The following PXDC1 variants were observed in gnomAD, a reference collection of about 807,000 sequenced individuals.
PXDC1 encodes the protein PX domain containing 1.
In PXDC1, 13 loss-of-function variants were observed where a neutral mutation model predicts 24.4. The ratio of observed to expected loss-of-function variants is 0.53; its 90% CI spans 0.35 to 0.85. The LOEUF is 0.85. Ranked by LOEUF, PXDC1 falls within the 40% of genes least tolerant of loss-of-function variation. The pLI is 0.01. For synonymous variants in PXDC1, 162 were observed against 124.9 expected (o/e 1.30, Z -1.98); for missense variants, 344 against 309.3 (o/e 1.11, Z -0.84).
rs916821697 is a variant in PXDC1 at position 3,751,257 on chromosome 6, C to T, written c.256+19G>A. 3 of 1,454,742 alleles carry T rather than the reference C, an allele frequency of 2.1e-6. No homozygotes were observed. The highest frequency in any genetic ancestry group is 2.7e-6 in the Non-Finnish European group (3 of 1,109,570). The allele number at this position is 1,454,742 out of a possible 1,614,324, so 90.1% of individuals were successfully genotyped here. On this transcript the variant is annotated intron_variant, in intron 1 of 4. Coordinates refer to ENST00000380283, the MANE Select transcript of PXDC1 (RefSeq NM_183373.4). ...GGCTGCCTCGGCCCCGCGCCCCTCC[C>T]GCGTCCCCGGCCCCGCACCTTGCCG...
intron 3 of PXDC1, among the ~76,000 whole-genome samples, chr6:3,734,447 C>A (rs1581245037): frequency 6.6e-6 from 1 of 152,206 alleles, no homozygotes; most frequent in Non-Finnish European, 1.5e-5. Flanking sequence ...GGACTCTCCC[C>A]ACTCAGACTA....
rs1404172455 is a variant in PXDC1 at position 3,725,331 on chromosome 6, G to A, written c.579-1595C>T. Among the ~76,000 whole-genome samples the A allele has an allele frequency of 1.3e-5, 2 of 152,170 alleles. No homozygotes were observed. The highest frequency in any genetic ancestry group is 1.9e-4 in the East Asian group (1 of 5,192). On this transcript the variant is annotated intron_variant, in intron 4 of 4. Transcript: ENST00000380283. This position sits in a 1 kb window ranked among gnomAD's most constrained non-coding sequence, Gnocchi z 4.8. ...GAGTCATGGGGCTAAGGCTCCCTGA[G>A]GTCCCCACAGAACCGCCCAGTGCCT...
intron 1 of PXDC1, among the ~76,000 whole-genome samples, chr6:3,750,123 G>A (rs1440603521): frequency 6.6e-6 from 1 of 152,240 alleles, no homozygotes; most frequent in East Asian, 1.9e-4. Context: ...CAAAAGATGT[G>A]TCATGAGAAC....
intron 1 of PXDC1, among the ~76,000 whole-genome samples, chr6:3,744,230 G>A (rs1760513728): frequency 1.3e-5 from 2 of 152,164 alleles, no homozygotes; most frequent in Non-Finnish European, 2.9e-5. Flanking sequence ...GGTTCCCAGG[G>A]GGAGCAGCCC....
chr6:3,722,854 T>G lies in PXDC1; in HGVS notation c.*765A>C, dbSNP rs1759969951. On this transcript the variant is annotated 3_prime_UTR_variant, in exon 5 of 5. Transcript: ENST00000380283. Reference sequence around the variant, plus strand: ...AGCTCTGTCAATGAGCACCCCAGGGTGGTGTGGCCGCAGCACCAGGACCCG... The same window carrying G: ...AGCTCTGTCAATGAGCACCCCAGGGGGGTGTGGCCGCAGCACCAGGACCCG... The G allele has an allele frequency of 6.6e-6, 1 of 152,326 alleles. No homozygotes were observed. The highest frequency in any genetic ancestry group is 1.5e-5 in the Non-Finnish European group (1 of 68,010). The allele number at this position is 152,326 out of a possible 1,614,324, so 9.4% of individuals were successfully genotyped here. A position where few individuals can be genotyped will look rare whatever the true frequency, so the allele number is the denominator to read the frequency against.
chr6:3,750,767 A>G (rs1183332365), intron 1 of PXDC1, among the ~76,000 whole-genome samples: 1 of 152,002 alleles, frequency 6.6e-6, no homozygotes, highest in Non-Finnish European at 1.5e-5. Flanking sequence ...GCTGCGTGGC[A>G]CCTCGCGCTC....
At chr6:3,729,251 A>G (rs1415329090) in intron 3 of PXDC1, among the ~76,000 whole-genome samples, 1 of 152,112 alleles carries the variant, frequency 6.6e-6, no homozygotes, top group African/African-American at 2.4e-5. Context: ...CTTTCTACAT[A>G]TTTGGTTCTC....
At position 3,738,037 on chromosome 6, in the gene PXDC1, C is replaced by G. The variant is rs79310232; in HGVS notation, c.348+20G>C. The G allele has an allele frequency of 1.3e-6, 2 of 1,538,170 alleles. No homozygotes were observed. The highest frequency in any genetic ancestry group is 1.8e-6 in the Non-Finnish European group (2 of 1,114,486). On this transcript the variant is annotated intron_variant, in intron 2 of 4. Coordinates refer to ENST00000380283, the MANE Select transcript of PXDC1 (RefSeq NM_183373.4). ...GCACCTCCCACCTCCCTGCCCAGCC[C>G]GGGGCCTGGCCACACTCACTTTACA... is the stretch of plus-strand genomic sequence containing the variant.
chr6:3,737,755 C>T lies in PXDC1; in HGVS notation c.348+302G>A. ...TCTGAGCAGAGGCAGAAAGCAAAGG[C>T]CTCCTGCAGCCAGAGGGGATCCGCA... On this transcript the variant is annotated intron_variant, in intron 2 of 4. Transcript: ENST00000380283. This position sits in a 1 kb window ranked among gnomAD's most constrained non-coding sequence, Gnocchi z 5.5. 1.1e-6 allele frequency: 1 copy of T among 888,930 alleles called. No homozygotes were observed. The highest frequency in any genetic ancestry group is 1.3e-6 in the Non-Finnish European group (1 of 741,868). The allele number at this position is 888,930 out of a possible 1,614,324, so 55.1% of individuals were successfully genotyped here.
At chr6:3,742,823 GAC>G (rs1003792001) in intron 1 of PXDC1, among the ~76,000 whole-genome samples, 1 of 152,096 alleles carries the variant, frequency 6.6e-6, no homozygotes, top group African/African-American at 2.4e-5. Context: ...GGGCCAACTG[GAC>G]ACACATTTGG....
chr6:3,739,316 G>A (rs997874443), intron 1 of PXDC1, among the ~76,000 whole-genome samples: 4 of 152,350 alleles, frequency 2.6e-5, no homozygotes, highest in African/African-American at 7.2e-5. Context: ...TCCCCATAAC[G>A]GGGGTCAGTG....
Position 3,737,283 on chromosome 6 carries a change from G to C in PXDC1, c.349-87C>G, listed in dbSNP as rs535409188. ...TACCAAGAGAGGGCCCCGCTCCTCC[G>C]CAGAGGCAGCCTGTGTGATGCAAAC... On this transcript the variant is annotated intron_variant, in intron 2 of 4. Coordinates refer to ENST00000380283, the MANE Select transcript of PXDC1 (RefSeq NM_183373.4). The surrounding 1 kb of genome is among the most constrained non-coding windows in gnomAD (Gnocchi z 5.5). 9 of 903,912 alleles carry C rather than the reference G, an allele frequency of 1.0e-5. No individual in the cohort carries two copies. Among genetic ancestry groups the C allele is most frequent in the African/African-American group, 1.6e-5 (1 of 60,788 alleles). 56.0% of individuals were successfully genotyped at this position (903,912 alleles called of 1,614,324 possible).
chr6:3,749,134 C>T (rs1760640346), intron 1 of PXDC1, among the ~76,000 whole-genome samples: 1 of 152,038 alleles, frequency 6.6e-6, no homozygotes, highest in African/African-American at 2.4e-5. Context: ...CCTCAGAAAA[C>T]CAAGGACTAG....
Position 3,724,162 on chromosome 6 carries a change from T to C in PXDC1, c.579-426A>G, listed in dbSNP as rs1280363227. Among the ~76,000 whole-genome samples, 13 of 151,792 alleles carry C rather than the reference T, an allele frequency of 8.6e-5. No individual in the cohort carries two copies. The highest frequency in any genetic ancestry group is 2.9e-4 in the African/African-American group (12 of 41,290). ...GCTCACAGCCTGACCGCAGCAGAGA[T>C]GACACACGGACGCACAGGAGGCTGC... On this transcript the variant is annotated intron_variant, in intron 4 of 4. Coordinates refer to ENST00000380283, the MANE Select transcript of PXDC1 (RefSeq NM_183373.4). The surrounding 1 kb of genome is among the most constrained non-coding windows in gnomAD (Gnocchi z 4.5).
Position 3,723,380 on chromosome 6 carries a change from C to T in PXDC1, c.*239G>A. 2 of 561,756 alleles carry T rather than the reference C, an allele frequency of 3.6e-6. No homozygotes were observed. Among genetic ancestry groups the T allele is most frequent in the Non-Finnish European group, 6.4e-6 (2 of 314,370 alleles). 34.8% of individuals were successfully genotyped at this position (561,756 alleles called of 1,614,324 possible). A position where few individuals can be genotyped will look rare whatever the true frequency, so the allele number is the denominator to read the frequency against. Reference sequence around the variant, plus strand: ...GCAGGGAGTGAAGACCCTCAGAACACAGGCCCTGTGGCCTCCGGCTGTGAC... The same window carrying T: ...GCAGGGAGTGAAGACCCTCAGAACATAGGCCCTGTGGCCTCCGGCTGTGAC... On this transcript the variant is annotated 3_prime_UTR_variant, in exon 5 of 5. Transcript: ENST00000380283.
In PXDC1 at chr6:3,723,544, C is replaced by T. The variant is rs1759987946; in HGVS notation, c.*75G>A. On this transcript the variant is annotated 3_prime_UTR_variant, in exon 5 of 5. Coordinates refer to ENST00000380283, the MANE Select transcript of PXDC1 (RefSeq NM_183373.4). ...CCAGAGCTGGGGCAGCAGCTGTGAC[C>T]ATGGGGGCCAGCACAGTGGACAGCA... 8.6e-7 allele frequency: 1 copy of T among 1,164,054 alleles called. No individual in the cohort carries two copies. The highest frequency in any genetic ancestry group is 1.3e-6 in the Non-Finnish European group (1 of 778,588). 72.1% of individuals were successfully genotyped at this position (1,164,054 alleles called of 1,614,324 possible). A position where few individuals can be genotyped will look rare whatever the true frequency, so the allele number is the denominator to read the frequency against.
rs1209459095 is a variant in PXDC1, at chr6:3,725,191, G to A, written c.579-1455C>T. ...AAAGGTTCAAGCCAGTCGAGGGACA[G>A]AGCCACAGCGCCACCTCAAACAGTG... On this transcript the variant is annotated intron_variant, in intron 4 of 4. Coordinates refer to ENST00000380283, the MANE Select transcript of PXDC1 (RefSeq NM_183373.4). The surrounding 1 kb of genome is among the most constrained non-coding windows in gnomAD (Gnocchi z 4.8). Among the ~76,000 whole-genome samples, 1 of 152,192 alleles carries A rather than the reference G, an allele frequency of 6.6e-6. No homozygotes were observed.
intron 1 of PXDC1, among the ~76,000 whole-genome samples, chr6:3,744,438 C>T (rs1760518878): frequency 6.6e-6 from 1 of 150,566 alleles, no homozygotes; most frequent in South Asian, 2.1e-4. Flanking sequence ...CAGGAGGATG[C>T]ACAGCAGGGG....
rs530708952 is a variant in PXDC1, at chr6:3,727,112, G to A, written c.578+439C>T. ...CAGTCAAATCAGAGACAGAAAGAGC[G>A]GAGAAGACAGTGGTGGCTTTGGCTG... On this transcript the variant is annotated intron_variant, in intron 4 of 4. Transcript: ENST00000380283. Among the ~76,000 whole-genome samples the A allele has an allele frequency of 5.9e-5, 9 of 152,352 alleles. No individual in the cohort carries two copies. The South Asian group carries it at 1.0e-3, about 18-fold the overall frequency.
Sources: allele counts gnomAD v4.1 joint callset (sites outside exome capture counted in the v4.1 genomes callset), GRCh38; gene constraint gnomAD v4.1.1; non-coding constraint Gnocchi (gnomAD v3.1); transcripts MANE v1.5; gene names NCBI Gene and HGNC (gene_info 2026-07-23, HGNC 2026-07-21).